The following KIRREL3 variants were observed in gnomAD, a reference collection of about 807,000 sequenced individuals.
KIRREL3 encodes the protein kin of IRRE-like protein 3.
In KIRREL3, 36 loss-of-function variants were observed where a neutral mutation model predicts 89.7. That is an observed-to-expected ratio of 0.40 (90% CI 0.31 to 0.53). KIRREL3 has a LOEUF of 0.53. Ranked by LOEUF, KIRREL3 falls within the 20% of genes least tolerant of loss-of-function variation. KIRREL3 has a pLI of 0.49. For synonymous variants in KIRREL3, 445 were observed against 441.4 expected (o/e 1.01, Z -0.10); for missense variants, 864 against 1,056.6 (o/e 0.82, Z 2.53).
At chr11:126,481,346 T>C (rs752540409) in intron 4 of KIRREL3, among the ~76,000 whole-genome samples, 1 of 152,212 alleles carries the variant, frequency 6.6e-6, no homozygotes, top group Non-Finnish European at 1.5e-5. Context: ...TTTGACACAC[T>C]ATCTAATGGA....
intron 1 of KIRREL3, among the ~76,000 whole-genome samples, chr11:126,950,425 C>A (rs901952167): frequency 3.9e-5 from 6 of 152,094 alleles, no homozygotes; most frequent in African/African-American, 1.4e-4. Context: ...CAGGGACACC[C>A]AATGTCTACA....
In KIRREL3 at chr11:126,677,135, T is replaced by A. The variant is rs569802644; in HGVS notation, c.56-114223A>T. The stretch of plus-strand genomic sequence containing the variant: ...TACAATTCAGTGATTTTTAATATAT[T>A]CGCAGATTTGCACAACCACCACCAC... On this transcript the variant is annotated intron_variant, in intron 1 of 16. Transcript: ENST00000525144. The surrounding 1 kb of genome is among the most constrained non-coding windows in gnomAD (Gnocchi z 5.1). 5.1e-4 allele frequency among the ~76,000 whole-genome samples: 77 copies of A among 152,220 alleles called. No homozygotes were observed. Among genetic ancestry groups the A allele is most frequent in the Non-Finnish European group, 9.0e-4 (61 of 68,004 alleles).
At position 126,791,675 on chromosome 11, in the gene KIRREL3, C is replaced by T. The variant is rs1049828763; in HGVS notation, c.55+208780G>A. Among the ~76,000 whole-genome samples the T allele has an allele frequency of 5.9e-5, 9 of 152,164 alleles. No individual in the cohort carries two copies. The highest frequency in any genetic ancestry group is 2.2e-4 in the African/African-American group (9 of 41,424). ...GCCACAGGGTCCAGGGGCCCAGATTCCCATGGCCAGGCCAGGTGTGAATGA... is the reference window on the plus strand; with the variant it reads ...GCCACAGGGTCCAGGGGCCCAGATTTCCATGGCCAGGCCAGGTGTGAATGA... On this transcript the variant is annotated intron_variant, in intron 1 of 16. Transcript: ENST00000525144. This position sits in a 1 kb window ranked among gnomAD's most constrained non-coding sequence, Gnocchi z 4.8.
At chr11:126,722,880 C>T (rs1367906948) in intron 1 of KIRREL3, among the ~76,000 whole-genome samples, 1 of 152,228 alleles carries the variant, frequency 6.6e-6, no homozygotes, top group Non-Finnish European at 1.5e-5. Context: ...AGGCCTAGCT[C>T]AAATATCACT....
intron 1 of KIRREL3, among the ~76,000 whole-genome samples, chr11:126,598,078 G>C (rs756939890): frequency 2.0e-5 from 3 of 152,242 alleles, no homozygotes; most frequent in Non-Finnish European, 4.4e-5. Flanking sequence ...TAATGAGCAG[G>C]CGCAAGAATA....
At chr11:126,434,112 C>T (rs1955233320) in intron 13 of KIRREL3, among the ~76,000 whole-genome samples, 1 of 152,266 alleles carries the variant, frequency 6.6e-6, no homozygotes, top group South Asian at 2.1e-4. Flanking sequence ...TGTGTTTCCT[C>T]CTTGCCTGGC....
At chr11:126,457,368 T>TGA (rs1303411423) in intron 6 of KIRREL3, among the ~76,000 whole-genome samples, 2 of 85,870 alleles carry the variant, frequency 2.3e-5, no homozygotes, top group East Asian at 7.3e-4. Context: ...TCTGTGTGTA[T>TGA]GCGTGTATGT....
intron 11 of KIRREL3, among the ~76,000 whole-genome samples, chr11:126,437,899 A>C: frequency 6.6e-6 from 1 of 152,258 alleles, no homozygotes; most frequent in East Asian, 1.9e-4. Flanking sequence ...CACACACACC[A>C]TGTGCTCACA....
chr11:126,565,954 G>C lies in KIRREL3; in HGVS notation c.56-3042C>G, dbSNP rs768231865. Among the ~76,000 whole-genome samples, 3 of 152,164 alleles carry C rather than the reference G, an allele frequency of 2.0e-5. No homozygotes were observed. Among genetic ancestry groups the C allele is most frequent in the Non-Finnish European group, 2.9e-5 (2 of 68,034 alleles). ...CAGGAATCTCTCTCTTTGTGAGGTA[G>C]ATCAGCCACCACCAGACTGTCACCT... On this transcript the variant is annotated intron_variant, in intron 1 of 16. Transcript: ENST00000525144. The surrounding 1 kb of genome is among the most constrained non-coding windows in gnomAD (Gnocchi z 5.4).
Position 126,912,192 on chromosome 11 carries a change from G to A in KIRREL3, c.55+88263C>T, listed in dbSNP as rs1190467133. On this transcript the variant is annotated intron_variant, in intron 1 of 16. Coordinates refer to ENST00000525144, the MANE Select transcript of KIRREL3 (RefSeq NM_032531.4). The surrounding 1 kb of genome is among the most constrained non-coding windows in gnomAD (Gnocchi z 4.7). Reference sequence around the variant, plus strand: ...AACCCTCTTTTCAGAAGGACAAAGTGGAATGAAAGCACAAGCCATCAATAG... The same window carrying A: ...AACCCTCTTTTCAGAAGGACAAAGTAGAATGAAAGCACAAGCCATCAATAG... Among the ~76,000 whole-genome samples the A allele has an allele frequency of 6.6e-6, 1 of 152,038 alleles. No homozygotes were observed. Among genetic ancestry groups the A allele is most frequent in the Non-Finnish European group, 1.5e-5 (1 of 68,020 alleles).
At chr11:126,460,374 C>T (rs60437724) in intron 6 of KIRREL3, among the ~76,000 whole-genome samples, 53,096 of 152,002 alleles carry the variant, frequency 0.35, 10,566 homozygotes, top group East Asian at 0.53. Context: ...ATTTAATCCT[C>T]ACTGCAACCT....
chr11:126,800,910 G>A (rs1028070475), intron 1 of KIRREL3, among the ~76,000 whole-genome samples: 5 of 152,200 alleles, frequency 3.3e-5, no homozygotes, highest in African/African-American at 4.8e-5. Context: ...GCTGTGGGAA[G>A]CTCTGGTTAA....
Position 126,814,189 on chromosome 11 carries a change from T to C in KIRREL3, c.55+186266A>G, listed in dbSNP as rs1233931385. 6.6e-6 allele frequency among the ~76,000 whole-genome samples: 1 copy of C among 150,724 alleles called. No individual in the cohort carries two copies. Among genetic ancestry groups the C allele is most frequent in the African/African-American group, 2.4e-5 (1 of 41,066 alleles). ...TCACTGATCATTAGATAAATGCAAA[T>C]AAAAACCACAATGACATACCATCTC... On this transcript the variant is annotated intron_variant, in intron 1 of 16. Transcript: ENST00000525144. This position sits in a 1 kb window ranked among gnomAD's most constrained non-coding sequence, Gnocchi z 4.4.
chr11:126,592,551 C>T (rs1180833052), intron 1 of KIRREL3, among the ~76,000 whole-genome samples: 2 of 152,196 alleles, frequency 1.3e-5, no homozygotes, highest in Admixed American at 6.5e-5. Context: ...AGAGCTTTCT[C>T]CAGGAGCTTC....
chr11:126,535,849 G>C lies in KIRREL3; in HGVS notation c.134-9162C>G, dbSNP rs1466954161. Among the ~76,000 whole-genome samples, 2 of 152,194 alleles carry C rather than the reference G, an allele frequency of 1.3e-5. No homozygotes were observed. The highest frequency in any genetic ancestry group is 4.8e-5 in the African/African-American group (2 of 41,448). ...AAAATACAAAAATTAGCGGGACATG[G>C]TGGTGCGTGCCTGTAATCCCAGCTA... is the stretch of plus-strand genomic sequence containing the variant. On this transcript the variant is annotated intron_variant, in intron 2 of 16. Transcript: ENST00000525144. The surrounding 1 kb of genome is among the most constrained non-coding windows in gnomAD (Gnocchi z 4.5).
intron 1 of KIRREL3, among the ~76,000 whole-genome samples, chr11:126,762,618 C>G (rs1478001053): frequency 2.0e-5 from 3 of 152,218 alleles, no homozygotes; most frequent in Admixed American, 6.5e-5. Context: ...GCAGTGGGAG[C>G]TGGAGCAACC....
At position 126,515,656 on chromosome 11, in the gene KIRREL3, G is replaced by A. The variant is rs888541394; in HGVS notation, c.433+5659C>T. Among the ~76,000 whole-genome samples, 1 of 152,156 alleles carries A rather than the reference G, an allele frequency of 6.6e-6. No homozygotes were observed. Among genetic ancestry groups the A allele is most frequent in the East Asian group, 1.9e-4 (1 of 5,190 alleles). On this transcript the variant is annotated intron_variant, in intron 4 of 16. Transcript: ENST00000525144. The surrounding 1 kb of genome is among the most constrained non-coding windows in gnomAD (Gnocchi z 4.2). ...CCCAGAGGCTTGGTGAGCGGAAGGA[G>A]ATGCCAGCTGCTTGTTAGTGCGGGA...
intron 1 of KIRREL3, among the ~76,000 whole-genome samples, chr11:126,583,115 G>A (rs1027760987): frequency 4.6e-5 from 7 of 152,112 alleles, no homozygotes; most frequent in African/African-American, 9.7e-5. Context: ...CTGGCTCCCC[G>A]GGCCCCATAC....
At position 126,830,566 on chromosome 11, in the gene KIRREL3, G is replaced by T. The variant is rs548121940; in HGVS notation, c.55+169889C>A. Reference sequence around the variant, plus strand: ...TTTGCATCCCTGGATTCTACAGGTGGCTCGGTGACAGTCATCTCTTAGTGT... The same window carrying T: ...TTTGCATCCCTGGATTCTACAGGTGTCTCGGTGACAGTCATCTCTTAGTGT... On this transcript the variant is annotated intron_variant, in intron 1 of 16. Transcript: ENST00000525144. The surrounding 1 kb of genome is among the most constrained non-coding windows in gnomAD (Gnocchi z 4.9). Among the ~76,000 whole-genome samples, 1 of 152,284 alleles carries T rather than the reference G, an allele frequency of 6.6e-6. No homozygotes were observed. Among genetic ancestry groups the T allele is most frequent in the South Asian group, 2.1e-4 (1 of 4,816 alleles).
Sources: gnomAD v4.1 joint callset for allele counts (sites outside exome capture counted in the v4.1 genomes callset) on GRCh38, gnomAD v4.1.1 for gene constraint, Gnocchi (gnomAD v3.1) non-coding constraint, MANE v1.5 for transcripts, NCBI Gene and HGNC (gene_info 2026-07-23, HGNC 2026-07-21) for gene names.